The following SLC12A7 variants were observed in gnomAD, a reference collection of about 807,000 sequenced individuals.
The protein encoded by SLC12A7 is K-Cl cotransporter 4.
A neutral mutation model predicts 120.6 loss-of-function variants in SLC12A7; 100 were observed. That is an observed-to-expected ratio of 0.83 (90% CI 0.71 to 0.98). The LOEUF (loss-of-function observed/expected upper bound fraction) is 0.98, where lower values mean the gene tolerates loss of function less well. Among genes scored for constraint, SLC12A7 ranks in the 50% least tolerant of loss-of-function variants. The probability of loss-of-function intolerance (pLI) is 0.00; values close to 1 mark genes in which losing one functional copy is unlikely to be tolerated. For missense variants in SLC12A7, 1,373 were observed against 1,548.1 expected (o/e 0.89, Z 1.90); for synonymous variants, 760 against 678.0 (o/e 1.12, Z -1.88).
Position 1,089,229 on chromosome 5 carries a change from G to C in SLC12A7, c.343-101C>G, listed in dbSNP as rs1326888762. The C allele has an allele frequency of 5.7e-5, 66 of 1,155,166 alleles. 1 individual carries two copies. The South Asian group carries it at 8.0e-4, about 14-fold the overall frequency. 71.6% of individuals were successfully genotyped at this position (1,155,166 alleles called of 1,614,324 possible). ...GGCCCTGGGCAGGCAAAGCGGCCGT[G>C]GGGGCAGGAGGGGGCAGGAGTCCTT... On this transcript the variant is annotated intron_variant, in intron 3 of 23. Coordinates refer to ENST00000264930, the MANE Select transcript of SLC12A7 (RefSeq NM_006598.3).
chr5:1,152,681 C>T, the SLC12A7 span, among the ~76,000 whole-genome samples: 1 of 152,198 alleles, frequency 6.6e-6, no homozygotes, highest in Non-Finnish European at 1.5e-5. Context: ...GGAGACGCCC[C>T]CCGGACCATG....
intron 20 of SLC12A7, among the ~76,000 whole-genome samples, chr5:1,061,677 C>T (rs558093510): frequency 2.6e-5 from 4 of 152,186 alleles, no homozygotes; most frequent in African/African-American, 4.8e-5. Flanking sequence ...AGATCAGGTG[C>T]GGTGGCTCAC....
chr5:1,062,069 G>A (rs1464749704), intron 20 of SLC12A7, among the ~76,000 whole-genome samples: 1 of 152,216 alleles, frequency 6.6e-6, no homozygotes, highest in African/African-American at 2.4e-5. Context: ...CCAGAGACAT[G>A]GCTGGGAGCA....
chr5:1,126,644 C>T, the SLC12A7 span, among the ~76,000 whole-genome samples: 1 of 152,368 alleles, frequency 6.6e-6, no homozygotes, highest in African/African-American at 2.4e-5. Context: ...CTCCCACTCT[C>T]TGCCCTCAAG....
the SLC12A7 span, among the ~76,000 whole-genome samples, chr5:1,121,573 C>T: frequency 6.6e-6 from 1 of 152,218 alleles, no homozygotes; most frequent in Non-Finnish European, 1.5e-5. Context: ...AGGATCCATG[C>T]CACTTTGTGG....
At position 1,061,066 on chromosome 5, in the gene SLC12A7, C is replaced by CGCCGCACCT. The variant is rs1287564349; in HGVS notation, c.2740-624_2740-616dup. ...ATCCCTGAGTCTCACCCGCCGCACC[C>CGCCGCACCT]GCCGCACCTGCCGCATCCGCCATGC... On this transcript the variant is annotated intron_variant, in intron 20 of 23. Coordinates refer to ENST00000264930, the MANE Select transcript of SLC12A7 (RefSeq NM_006598.3). 6.6e-5 allele frequency among the ~76,000 whole-genome samples: 8 copies of CGCCGCACCT among 121,202 alleles called. 1 individual carries two copies. In the East Asian group the frequency reaches 1.8e-3, roughly 28 times the overall value. The allele number at this position is 121,202 out of a possible 152,430, so 79.5% of individuals were successfully genotyped here.
In SLC12A7 at chr5:1,076,194, G is replaced by T; in HGVS notation, c.1791C>A (p.Ala597=). Residue 597 remains alanine, a synonymous_variant, in exon 14 of 24, where the codon GCC becomes GCA. Coordinates refer to ENST00000264930, the MANE Select transcript of SLC12A7 (RefSeq NM_006598.3). ...TGGGGGTACGTAGCAGGGTCTGCACGGCGCAGGCCAGGTTCACGAACAGGT... is the reference window on the plus strand; with the variant it reads ...TGGGGGTACGTAGCAGGGTCTGCACTGCGCAGGCCAGGTTCACGAACAGGT... ...MCYLFVNLAC[A]VQTLLRTPNW... 2 of 1,612,356 alleles carry T rather than the reference G, an allele frequency of 1.2e-6. No homozygotes were observed. The highest frequency in any genetic ancestry group is 1.7e-6 in the Non-Finnish European group (2 of 1,179,660).
At chr5:1,110,625 A>G (rs1395412709) in intron 1 of SLC12A7, among the ~76,000 whole-genome samples, 2 of 152,242 alleles carry the variant, frequency 1.3e-5, no homozygotes, top group African/African-American at 4.8e-5. Context: ...AAGCTCACAC[A>G]GAAAGACCAC....
intron 4 of SLC12A7, 27 bp from the exon 5 acceptor site, chr5:1,088,387 G>A (rs763532332): frequency 6.4e-7 from 1 of 1,562,326 alleles, no homozygotes; most frequent in South Asian, 1.2e-5. Flanking sequence ...AGCCATCTGA[G>A]GAGAGTTTTC....
the SLC12A7 span, among the ~76,000 whole-genome samples, chr5:1,142,860 G>A: frequency 6.6e-6 from 1 of 151,740 alleles, no homozygotes; most frequent in East Asian, 2.0e-4. Flanking sequence ...TTTGGGCAAC[G>A]TGCTCAGAAC....
intron 1 of SLC12A7, among the ~76,000 whole-genome samples, chr5:1,100,333 T>C (rs559704380): frequency 1.3e-5 from 2 of 152,264 alleles, no homozygotes; most frequent in South Asian, 2.1e-4. Context: ...CCAGAGTCAC[T>C]GGGAAAGAAG....
the SLC12A7 span, among the ~76,000 whole-genome samples, chr5:1,136,259 T>A: frequency 6.7e-6 from 1 of 150,056 alleles, no homozygotes; most frequent in Non-Finnish European, 1.5e-5. Flanking sequence ...CTCCGAGAAA[T>A]CACGACTCCT....
At chr5:1,054,360 G>A (rs1299313684) in intron 22 of SLC12A7, among the ~76,000 whole-genome samples, 1 of 152,240 alleles carries the variant, frequency 6.6e-6, no homozygotes, top group African/African-American at 2.4e-5. Context: ...AACCAAGTAG[G>A]TTTGGGGACA....
At chr5:1,083,706 G>C in intron 8 of SLC12A7, 39 bp downstream of exon 8, 1 of 1,596,540 alleles carries the variant, frequency 6.3e-7, no homozygotes, top group Non-Finnish European at 8.6e-7. Flanking sequence ...TGCTGCCCCC[G>C]CCACCCCCCA....
At chr5:1,093,696 C>T in intron 2 of SLC12A7, 41 bp from the exon 3 acceptor site, 1 of 1,605,552 alleles carries the variant, frequency 6.2e-7, no homozygotes, top group Non-Finnish European at 8.5e-7. Context: ...CCGCACCTCG[C>T]CGTGGGCCCC....
At chr5:1,109,371 G>A (rs1031576253) in intron 1 of SLC12A7, among the ~76,000 whole-genome samples, 4 of 152,180 alleles carry the variant, frequency 2.6e-5, no homozygotes, top group Admixed American at 1.3e-4. Context: ...GCCCCCAGCA[G>A]TGTCCTCCCA....
intron 12 of SLC12A7, 144 bp from the exon 13 acceptor site, chr5:1,076,956 C>G: frequency 1.5e-6 from 1 of 649,522 alleles, no homozygotes; most frequent in East Asian, 2.7e-5. Context: ...CGGGACATCA[C>G]GCGGCTGGCC....
chr5:1,065,199 GA>G (rs1736899548), intron 18 of SLC12A7, 83 bp downstream of exon 18: 1 of 3,304 alleles, frequency 3.0e-4, no homozygotes, highest in Non-Finnish European at 1.5e-3. Context: ...ACACTGAGGA[GA>G]CACACAGGGG....
At chr5:1,066,664 G>A (rs1737087071) in intron 17 of SLC12A7, among the ~76,000 whole-genome samples, 1 of 152,240 alleles carries the variant, frequency 6.6e-6, no homozygotes, top group Non-Finnish European at 1.5e-5. Context: ...CTGGGTCAGA[G>A]GTGGGCCCTG....
Sources: allele counts gnomAD v4.1 joint callset (sites outside exome capture counted in the v4.1 genomes callset), GRCh38; gene constraint gnomAD v4.1.1; transcripts MANE v1.5; gene names NCBI Gene and HGNC (gene_info 2026-07-23, HGNC 2026-07-21).